Variants in SLC6A19 observed in about 807,000 individuals in gnomAD.
SLC6A19 encodes the protein sodium-dependent neutral amino acid transporter B(0)AT1.
In SLC6A19, 67 loss-of-function variants were observed where a neutral mutation model predicts 68.3. That is an observed-to-expected ratio of 0.98 (90% CI 0.81 to 1.20). The LOEUF (loss-of-function observed/expected upper bound fraction) is 1.20. SLC6A19 is among the 50% of genes most tolerant of loss of function. SLC6A19 has a pLI of 0.00. For synonymous variants in SLC6A19, 392 were observed against 374.9 expected, an observed-to-expected ratio of 1.05 and a Z score of -0.53; for missense variants, 813 against 851.6, an observed-to-expected ratio of 0.95 and a Z score of 0.56.
intron 11 of SLC6A19, 114 bp downstream of exon 11, chr5:1,221,427 G>T: frequency 7.5e-7 from 1 of 1,330,806 alleles, no homozygotes; most frequent in South Asian, 1.2e-5. Flanking sequence ...ACACACATGG[G>T]CACACACACT....
intron 2 of SLC6A19, among the ~76,000 whole-genome samples, chr5:1,210,148 G>A (rs1013146059): frequency 5.9e-5 from 9 of 152,274 alleles, no homozygotes; most frequent in Non-Finnish European, 1.0e-4. Flanking sequence ...GCACTGGGCA[G>A]GTGAGACCCA....
At chr5:1,207,368 CGGTCAGGGCAG>C (rs1561162320) in intron 1 of SLC6A19, among the ~76,000 whole-genome samples, 4 of 147,012 alleles carry the variant, frequency 2.7e-5, no homozygotes, top group African/African-American at 1.1e-4. Context: ...GCAGAGGGAG[CGGTCAGGGCAG>C]CCCGCTTGGC....
At chr5:1,219,958 C>T (rs1309646487) in intron 10 of SLC6A19, among the ~76,000 whole-genome samples, 1 of 152,116 alleles carries the variant, frequency 6.6e-6, no homozygotes, top group East Asian at 1.9e-4. Context: ...CACTGCAGGG[C>T]CCACGGCCGG....
chr5:1,219,475 G>A (rs781328134), intron 9 of SLC6A19, 30 bp from the exon 10 acceptor site: 74 of 1,607,420 alleles, frequency 4.6e-5, no homozygotes, highest in Middle Eastern at 1.7e-4. Flanking sequence ...GCCCCTGGGC[G>A]TGTGAGCAGC....
Position 1,222,427 on chromosome 5 carries a change from A to G in SLC6A19, c.*523A>G. 4.5e-6 allele frequency: 2 copies of G among 442,358 alleles called. No individual in the cohort carries two copies. The highest frequency in any genetic ancestry group is 7.9e-6 in the Non-Finnish European group (2 of 252,346). 27.4% of individuals were successfully genotyped at this position (442,358 alleles called of 1,614,324 possible). A position where few individuals can be genotyped will look rare whatever the true frequency, so the allele number is the denominator to read the frequency against. On this transcript the variant is annotated 3_prime_UTR_variant, in exon 12 of 12. Coordinates refer to ENST00000304460, the MANE Select transcript of SLC6A19 (RefSeq NM_001003841.3). ...TCTGTGAGTGTATATACATGCATGC[A>G]ATTGTGTGTATGTGTGTTCTGTGTG...
chr5:1,201,767 G>T lies in SLC6A19; in HGVS notation c.117G>T (p.Ala39=), dbSNP rs149830504. The change falls in exon 1 of 12, where the codon GCG becomes GCT. Residue 39 remains alanine, a synonymous_variant. Transcript: ENST00000304460. Reference sequence around the variant, plus strand: ...CCCGGCCGAAGTGGGACAACAAGGCGCAGTACATGCTCACCTGCCTGGGCT... The same window carrying T: ...CCCGGCCGAAGTGGGACAACAAGGCTCAGTACATGCTCACCTGCCTGGGCT... The part of the protein sequence containing the change: ...ASSRPKWDNK[A]QYMLTCLGFC... 1.9e-6 allele frequency: 3 copies of T among 1,612,802 alleles called. No homozygotes were observed. The highest frequency in any genetic ancestry group is 1.3e-5 in the African/African-American group (1 of 75,054).
At chr5:1,205,453 G>A (rs1305526167) in intron 1 of SLC6A19, among the ~76,000 whole-genome samples, 1 of 152,178 alleles carries the variant, frequency 6.6e-6, no homozygotes, top group African/African-American at 2.4e-5. Flanking sequence ...AGTCCTCTCT[G>A]TTCACTGCTC....
At chr5:1,204,406 C>T (rs1016098692) in intron 1 of SLC6A19, among the ~76,000 whole-genome samples, 5 of 152,172 alleles carry the variant, frequency 3.3e-5, no homozygotes, top group African/African-American at 4.8e-5. Context: ...GGTGTGATGG[C>T]GGAGCCCCCC....
chr5:1,202,695 G>C (rs987367378), intron 1 of SLC6A19, among the ~76,000 whole-genome samples: 2 of 152,188 alleles, frequency 1.3e-5, no homozygotes, highest in Admixed American at 1.3e-4. Flanking sequence ...TTCACGGGGG[G>C]GCCGTGAAGG....
intron 1 of SLC6A19, among the ~76,000 whole-genome samples, chr5:1,203,296 C>T (rs1197639389): frequency 6.6e-6 from 1 of 152,182 alleles, no homozygotes; most frequent in Non-Finnish European, 1.5e-5. Context: ...TCAGATAGTC[C>T]CCGCTCTGAC....
At position 1,223,565 on chromosome 5, in the gene SLC6A19, C is replaced by T; in HGVS notation, c.*1661C>T. 7.3e-6 allele frequency: 1 copy of T among 137,434 alleles called. No individual in the cohort carries two copies. Among genetic ancestry groups the T allele is most frequent in the South Asian group, 2.4e-4 (1 of 4,148 alleles). The allele number at this position is 137,434 out of a possible 1,614,324, so 8.5% of individuals were successfully genotyped here. On this transcript the variant is annotated 3_prime_UTR_variant, in exon 12 of 12. Coordinates refer to ENST00000304460, the MANE Select transcript of SLC6A19 (RefSeq NM_001003841.3). ...CACTTGGGACATCTGCTTCCACGGA[C>T]AGGTCACCTCCGCTTTGCACGGAAG...
At position 1,216,440 on chromosome 5, in the gene SLC6A19, G is replaced by T. The variant is rs1027228580; in HGVS notation, c.888-118G>T. The T allele has an allele frequency of 2.0e-6, 3 of 1,471,232 alleles. No individual in the cohort carries two copies. In the African/African-American group the frequency reaches 4.2e-5, roughly 20 times the overall value. 91.1% of individuals were successfully genotyped at this position (1,471,232 alleles called of 1,614,324 possible). A position where few individuals can be genotyped will look rare whatever the true frequency, so the allele number is the denominator to read the frequency against. ...TCCGACTGCCTCCCCGTGTCACTCA[G>T]TGGCTCAGCCTCTCACTCCTGGGGC... On this transcript the variant is annotated intron_variant, in intron 6 of 11. Transcript: ENST00000304460.
chr5:1,211,696 TG>T (rs2126501664), intron 3 of SLC6A19, among the ~76,000 whole-genome samples: 1 of 146,296 alleles, frequency 6.8e-6, no homozygotes, highest in African/African-American at 2.5e-5. Context: ...TGCATGTGCA[TG>T]TGTGGGGTGT....
At chr5:1,213,930 C>T in intron 5 of SLC6A19, 23 bp from the exon 6 acceptor site, 2 of 1,611,894 alleles carry the variant, frequency 1.2e-6, no homozygotes. Context: ...CCATGAGTGG[C>T]TGAGGGTCTC....
Position 1,213,604 on chromosome 5 carries a change from C to A in SLC6A19, c.774+31C>A, listed in dbSNP as rs201708436. 518 of 1,591,838 alleles carry A rather than the reference C, an allele frequency of 3.3e-4. 3 individuals carry two copies. In the East Asian group the frequency reaches 0.011, roughly 34 times the overall value. ...TCCCCGAGGCTGCCCTGGGCCCAGA[C>A]CCCGGGAGAGGCCTGGCTGCCCTGT... On this transcript the variant is annotated intron_variant, in intron 5 of 11. Coordinates refer to ENST00000304460, the MANE Select transcript of SLC6A19 (RefSeq NM_001003841.3).
intron 1 of SLC6A19, among the ~76,000 whole-genome samples, chr5:1,203,166 T>G (rs1272576054): frequency 6.6e-6 from 1 of 152,106 alleles, no homozygotes; most frequent in East Asian, 1.9e-4. Flanking sequence ...GACACATGCC[T>G]CCTGGGAAGA....
chr5:1,214,712 A>G lies in SLC6A19; in HGVS notation c.887+647A>G, dbSNP rs1746155690. 1.3e-5 allele frequency among the ~76,000 whole-genome samples: 2 copies of G among 151,926 alleles called. No individual in the cohort carries two copies. Among genetic ancestry groups the G allele is most frequent in the South Asian group, 4.2e-4 (2 of 4,814 alleles). ...GTGGTGACCAGAATTTCAGAGCAGAAGGGGCTGGGGGTGAGGGAGGACTCC... is the reference window on the plus strand; with the variant it reads ...GTGGTGACCAGAATTTCAGAGCAGAGGGGGCTGGGGGTGAGGGAGGACTCC... On this transcript the variant is annotated intron_variant, in intron 6 of 11. Transcript: ENST00000304460. This position sits in a 1 kb window ranked among gnomAD's most constrained non-coding sequence, Gnocchi z 7.4.
intron 3 of SLC6A19, among the ~76,000 whole-genome samples, chr5:1,211,215 A>G (rs1746019144): frequency 6.6e-6 from 1 of 152,154 alleles, no homozygotes; most frequent in Admixed American, 6.5e-5. Flanking sequence ...TGGGGTTGGA[A>G]TAAGACAGGT....
intron 1 of SLC6A19, among the ~76,000 whole-genome samples, chr5:1,206,020 C>G (rs1234871153): frequency 2.6e-5 from 4 of 152,334 alleles, no homozygotes; most frequent in South Asian, 4.1e-4. Context: ...GGAACCTGTC[C>G]CTGGAACCCC....
Sources: allele counts gnomAD v4.1 joint callset (sites outside exome capture counted in the v4.1 genomes callset), GRCh38; gene constraint gnomAD v4.1.1; non-coding constraint Gnocchi (gnomAD v3.1); transcripts MANE v1.5; gene names NCBI Gene and HGNC (gene_info 2026-07-23, HGNC 2026-07-21).